The following ERAP1 variants were observed in gnomAD, a reference collection of about 807,000 sequenced individuals.
ERAP1 encodes endoplasmic reticulum aminopeptidase 1.
A neutral mutation model predicts 103.7 loss-of-function variants in ERAP1; 86 were observed. That is an observed-to-expected ratio of 0.83 (90% CI 0.70 to 0.99). The LOEUF (loss-of-function observed/expected upper bound fraction) is 0.99, where lower values mean the gene tolerates loss of function less well. ERAP1 is among the 50% of genes least tolerant of loss of function. The probability of loss-of-function intolerance (pLI) is 0.00; values close to 1 mark genes in which losing one functional copy is unlikely to be tolerated. For missense variants in ERAP1, 1,009 were observed against 1,128.4 expected, an observed-to-expected ratio of 0.89 and a Z score of 1.52; for synonymous variants, 398 against 402.4, an observed-to-expected ratio of 0.99 and a Z score of 0.13.
At chr5:96,889,609 G>T in the ERAP1 span, 1 of 658,146 alleles carries the variant, frequency 1.5e-6, no homozygotes, top group Non-Finnish European at 2.7e-6. Flanking sequence ...AAGCCAGGTA[G>T]AGGGTCCAGG....
the ERAP1 span, among the ~76,000 whole-genome samples, chr5:96,871,464 C>T: frequency 0.02 from 2,989 of 152,244 alleles, 112 homozygotes; most frequent in African/African-American, 0.069. Context: ...GAAGCCAAAA[C>T]ATTACTGATT....
chr5:96,808,022 C>T, upstream of ERAP1: 2 of 985,482 alleles, frequency 2.0e-6, no homozygotes, highest in Non-Finnish European at 2.4e-6. Flanking sequence ...AAGCCCCTGG[C>T]TAAGGCGGGA....
the ERAP1 span, among the ~76,000 whole-genome samples, chr5:96,862,839 C>A: frequency 6.6e-6 from 1 of 152,028 alleles, no homozygotes; most frequent in African/African-American, 2.4e-5. Context: ...ATCCCTGCAC[C>A]ATTCTCTGGG....
the ERAP1 span, chr5:96,873,719 G>A: frequency 3.1e-6 from 1 of 320,272 alleles, no homozygotes; most frequent in Non-Finnish European, 6.2e-6. Flanking sequence ...CACTGAAAAT[G>A]CATTCACCCA....
At position 96,803,493 on chromosome 5, in the gene ERAP1, T is replaced by TACGGGAGCCCGACAAGGAGGGGC; in HGVS notation, c.411_433dup (p.Tyr145CysfsTer38). On this transcript the variant is annotated frameshift_variant, in exon 2 of 19. Transcript: ENST00000443439. LOFTEE classifies it high-confidence loss of function. Reference sequence around the variant, plus strand: ...GCCAGCATAGTGAATGACAACTGTGTACGGGAGCCCGACAAGGAGGGGCTC... The same window carrying TACGGGAGCCCGACAAGGAGGGGC: ...GCCAGCATAGTGAATGACAACTGTGTACGGGAGCCCGACAAGGAGGGGCACGGGAGCCCGACAAGGAGGGGCTC... 1 of 1,613,538 alleles carries TACGGGAGCCCGACAAGGAGGGGC rather than the reference T, an allele frequency of 6.2e-7. No homozygotes were observed. Among genetic ancestry groups the TACGGGAGCCCGACAAGGAGGGGC allele is most frequent in the Non-Finnish European group, 8.5e-7 (1 of 1,179,630 alleles).
the ERAP1 span, among the ~76,000 whole-genome samples, chr5:96,923,260 C>T: frequency 6.6e-5 from 10 of 152,302 alleles, no homozygotes; most frequent in East Asian, 1.9e-4. Context: ...TGAGCCACCA[C>T]GCCAGGTCCT....
chr5:96,851,627 C>A, the ERAP1 span, among the ~76,000 whole-genome samples: 2 of 152,162 alleles, frequency 1.3e-5, no homozygotes, highest in African/African-American at 4.8e-5. Flanking sequence ...AACCCTCACA[C>A]AAACACTGGT....
At chr5:96,889,129 T>C in the ERAP1 span, 3 of 1,605,442 alleles carry the variant, frequency 1.9e-6, no homozygotes, top group African/African-American at 1.3e-5. Flanking sequence ...TTATCAGGAA[T>C]GGAATTATGC....
At chr5:96,911,866 C>CAAA in the ERAP1 span, among the ~76,000 whole-genome samples, 89 of 56,650 alleles carry the variant, frequency 1.6e-3, 2 homozygotes, top group African/African-American at 5.2e-3. Context: ...GACCCTGTCT[C>CAAA]AAAAAAAAAA....
At chr5:96,806,410 G>T (rs966991317) in intron 1 of ERAP1, among the ~76,000 whole-genome samples, 2 of 152,166 alleles carry the variant, frequency 1.3e-5, no homozygotes, top group African/African-American at 4.8e-5. Flanking sequence ...AGCCAAGGAG[G>T]AAAAAGAACT....
the ERAP1 span, among the ~76,000 whole-genome samples, chr5:96,899,417 A>G: frequency 6.6e-6 from 1 of 152,346 alleles, no homozygotes; most frequent in Non-Finnish European, 1.5e-5. Context: ...CATAAAGTCA[A>G]TTCTAATACA....
chr5:96,821,430 C>T, the ERAP1 span, among the ~76,000 whole-genome samples: 1 of 152,194 alleles, frequency 6.6e-6, no homozygotes, highest in African/African-American at 2.4e-5. Flanking sequence ...AACTCAATCT[C>T]CTTTTGGGTT....
the ERAP1 span, among the ~76,000 whole-genome samples, chr5:96,834,971 A>G: frequency 2.6e-5 from 4 of 152,222 alleles, no homozygotes; most frequent in African/African-American, 9.6e-5. Context: ...AAACACCCAC[A>G]TGATTCTTAG....
chr5:96,778,397 C>T (rs934048720), intron 18 of ERAP1, among the ~76,000 whole-genome samples: 1 of 152,134 alleles, frequency 6.6e-6, no homozygotes, highest in Admixed American at 6.6e-5. Context: ...AGATAAAATG[C>T]CCCTTTCTAG....
upstream of ERAP1, chr5:96,808,047 A>G: frequency 2.0e-6 from 2 of 985,502 alleles, no homozygotes; most frequent in Non-Finnish European, 2.4e-6. Context: ...GGGAAAGGGT[A>G]AACGGGAGTG....
chr5:96,867,010 TA>T, the ERAP1 span, among the ~76,000 whole-genome samples: 13 of 100,160 alleles, frequency 1.3e-4, no homozygotes, highest in East Asian at 6.7e-4. Context: ...ACCTTTCTGA[TA>T]TTTTTTTTTT....
chr5:96,894,517 A>G, the ERAP1 span, among the ~76,000 whole-genome samples: 1 of 152,126 alleles, frequency 6.6e-6, no homozygotes, highest in Non-Finnish European at 1.5e-5. Context: ...GATGTGCAGT[A>G]TTAGGCATAT....
At chr5:96,806,580 G>C (rs187505382) in intron 1 of ERAP1, among the ~76,000 whole-genome samples, 1 of 150,586 alleles carries the variant, frequency 6.6e-6, no homozygotes, top group East Asian at 2.0e-4. Context: ...CCACATCTGT[G>C]TGAGTATAAA....
At chr5:96,906,223 TCTC>T in the ERAP1 span, among the ~76,000 whole-genome samples, 2 of 151,286 alleles carry the variant, frequency 1.3e-5, no homozygotes, top group African/African-American at 2.4e-5. Flanking sequence ...TCCTCTTCCT[TCTC>T]CTCCTCCTCT....
Sources: allele counts gnomAD v4.1 joint callset (sites outside exome capture counted in the v4.1 genomes callset), GRCh38; gene constraint gnomAD v4.1.1; transcripts MANE v1.5; gene names NCBI Gene and HGNC (gene_info 2026-07-23, HGNC 2026-07-21).